ZP2: variants seen among roughly 807,000 people sequenced by gnomAD.
ZP2 encodes the protein zona pellucida sperm-binding protein 2.
ZP2 carries 51 observed loss-of-function variants against 84.0 expected under a neutral mutation model. The ratio of observed to expected loss-of-function variants is 0.61; its 90% CI spans 0.49 to 0.77. The LOEUF (loss-of-function observed/expected upper bound fraction) is 0.77. Among genes scored for constraint, ZP2 ranks in the 30% least tolerant of loss-of-function variants. The probability of loss-of-function intolerance (pLI) is 0.00; values close to 1 mark genes in which losing one functional copy is unlikely to be tolerated. For missense variants in ZP2, 909 were observed against 911.9 expected, an observed-to-expected ratio of 1.00 and a Z score of 0.04; for synonymous variants, 375 against 330.9, an observed-to-expected ratio of 1.13 and a Z score of -1.45.
intron 5 of ZP2, among the ~76,000 whole-genome samples, chr16:21,206,282 C>A (rs1292475754): frequency 6.6e-6 from 1 of 152,196 alleles, no homozygotes; most frequent in Non-Finnish European, 1.5e-5. Flanking sequence ...CAGGCATGAG[C>A]CACCATGCCT....
intron 5 of ZP2, among the ~76,000 whole-genome samples, chr16:21,206,581 T>C (rs1428712901): frequency 6.6e-6 from 1 of 152,112 alleles, no homozygotes; most frequent in African/African-American, 2.4e-5. Flanking sequence ...TAAAACCCTA[T>C]TGCCATGCAT....
In ZP2 at chr16:21,202,132, G is replaced by T. The variant is rs761967191; in HGVS notation, c.1259C>A (p.Pro420His). Residue 420 changes from proline (P) to histidine (H), a missense_variant, in exon 11 of 19, where the codon CCC becomes CAC. Transcript: ENST00000574091. ...ATATCTCGTTCCACATCCATTCAGG[G>T]GTATGTGGAACCGTACCAGCCCCTG... ...QSQGLVRFHI[P>H]LNGCGTRYKF... The T allele has an allele frequency of 1.2e-6, 2 of 1,613,122 alleles. No homozygotes were observed. The highest frequency in any genetic ancestry group is 1.1e-5 in the South Asian group (1 of 90,812).
At chr16:21,203,979 A>T in intron 9 of ZP2, 51 bp downstream of exon 9, 3 of 1,598,526 alleles carry the variant, frequency 1.9e-6, no homozygotes, top group Non-Finnish European at 1.7e-6. Flanking sequence ...CCACAAGAGT[A>T]TACTTCAAGT....
In ZP2 at chr16:21,211,574, G is replaced by A. The variant is rs200069620; in HGVS notation, c.-27C>T. The A allele has an allele frequency of 2.1e-5, 34 of 1,613,922 alleles. No individual in the cohort carries two copies. The highest frequency in any genetic ancestry group is 3.3e-4 in the Middle Eastern group (2 of 6,058). On this transcript the variant is annotated 5_prime_UTR_variant, in exon 1 of 19. Transcript: ENST00000574091. ...GCAGAAGACACTACCAGATCAACCAGGTAGAGGGTAGGCTGCTCTGTGTTT... is the reference window on the plus strand; with the variant it reads ...GCAGAAGACACTACCAGATCAACCAAGTAGAGGGTAGGCTGCTCTGTGTTT...
upstream of ZP2, among the ~76,000 whole-genome samples, chr16:21,212,342 C>T (rs2093278663): frequency 6.6e-6 from 1 of 152,154 alleles, no homozygotes; most frequent in Admixed American, 6.5e-5. Context: ...AGTGTAAAAG[C>T]TTAAGCTTAC....
chr16:21,211,648 C>T (rs747520089), upstream of ZP2: 1 of 1,601,494 alleles, frequency 6.2e-7, no homozygotes, highest in East Asian at 2.2e-5. Context: ...ATTGGGGGCA[C>T]CTGAATCTTG....
chr16:21,202,589 C>G (rs1489684561), intron 10 of ZP2, among the ~76,000 whole-genome samples: 2 of 152,144 alleles, frequency 1.3e-5, no homozygotes, highest in East Asian at 3.9e-4. Context: ...GGAGTTGACT[C>G]AAGGTTAAAC....
intron 4 of ZP2, among the ~76,000 whole-genome samples, chr16:21,209,213 C>A (rs1039055946): frequency 6.6e-6 from 1 of 152,138 alleles, no homozygotes; most frequent in African/African-American, 2.4e-5. Flanking sequence ...GTTGCCCAGG[C>A]TGGAGGGCAA....
intron 4 of ZP2, among the ~76,000 whole-genome samples, chr16:21,208,482 C>T (rs1024668712): frequency 4.6e-5 from 7 of 152,148 alleles, no homozygotes; most frequent in Non-Finnish European, 1.0e-4. Context: ...CCACCTGCAT[C>T]GTAATCAGAT....
intron 14 of ZP2, among the ~76,000 whole-genome samples, 168 bp from the exon 15 acceptor site, chr16:21,200,046 T>C (rs1205764029): frequency 6.6e-6 from 1 of 152,256 alleles, no homozygotes; most frequent in Non-Finnish European, 1.5e-5. Context: ...ATAATACCTA[T>C]GAAATCATAA....
intron 14 of ZP2, 51 bp from the exon 15 acceptor site, chr16:21,199,929 A>G (rs961645340): frequency 6.2e-7 from 1 of 1,605,650 alleles, no homozygotes; most frequent in Admixed American, 1.7e-5. Context: ...TCTTGGAGTC[A>G]AATTCAATGT....
chr16:21,200,897 G>A (rs980979477), intron 14 of ZP2, among the ~76,000 whole-genome samples: 1 of 152,148 alleles, frequency 6.6e-6, no homozygotes, highest in African/African-American at 2.4e-5. Flanking sequence ...GATTCAAGAG[G>A]TGATTGGAAG....
chr16:21,214,384 A>G (rs1255640745), upstream of ZP2: 1 of 605,138 alleles, frequency 1.7e-6, no homozygotes, highest in Non-Finnish European at 2.1e-6. Context: ...TCCGTAAAAC[A>G]GTGTCTCCTA....
At position 21,202,149 on chromosome 16, in the gene ZP2, C is replaced by A; in HGVS notation, c.1242G>T (p.Leu414=). The A allele has an allele frequency of 6.2e-7, 1 of 1,610,730 alleles. No individual in the cohort carries two copies. The highest frequency in any genetic ancestry group is 8.5e-7 in the Non-Finnish European group (1 of 1,179,050). Residue 414 remains leucine, a synonymous_variant, in exon 11 of 19, where the codon CTG becomes CTT. Coordinates refer to ENST00000574091, the MANE Select transcript of ZP2 (RefSeq NM_001376232.1). The stretch of plus-strand genomic sequence containing the variant: ...CATTCAGGGGTATGTGGAACCGTAC[C>A]AGCCCCTGAGACTGAGCCTCAAAGA... ...QPVFEAQSQG[L]VRFHIPLNGC... is the part of the protein sequence containing the mutation.
upstream of ZP2, among the ~76,000 whole-genome samples, chr16:21,212,102 A>G (rs2093277888): frequency 6.6e-6 from 1 of 151,998 alleles, no homozygotes; most frequent in Non-Finnish European, 1.5e-5. Context: ...TAATTTTTGT[A>G]TTTTGAGTAA....
Position 21,205,417 on chromosome 16 carries a change from T to C in ZP2, c.693+3A>G. On this transcript the variant is annotated splice_donor_region_variant and intron_variant, in intron 7 of 18. Transcript: ENST00000574091. ...TGGTACAAAGCCAGACTTCCACACC[T>C]ACCACATAGTGAGTCACTCCAGTGG... 6.2e-7 allele frequency: 1 copy of C among 1,613,700 alleles called. No homozygotes were observed. The highest frequency in any genetic ancestry group is 1.1e-5 in the South Asian group (1 of 91,062).
intron 2 of ZP2, among the ~76,000 whole-genome samples, chr16:21,210,731 C>T (rs1297239104): frequency 6.6e-6 from 1 of 152,114 alleles, no homozygotes; most frequent in Non-Finnish European, 1.5e-5. Context: ...CCCACCACCA[C>T]ACCCAGCTAG....
chr16:21,207,607 G>A (rs540055794), intron 4 of ZP2, among the ~76,000 whole-genome samples: 1 of 151,732 alleles, frequency 6.6e-6, no homozygotes, highest in African/African-American at 2.4e-5. Context: ...GCAACATGGT[G>A]AGAGACTCCA....
intron 14 of ZP2, among the ~76,000 whole-genome samples, chr16:21,201,114 G>A (rs1016694826): frequency 1.3e-5 from 2 of 151,912 alleles, no homozygotes; most frequent in Admixed American, 6.6e-5. Flanking sequence ...TAGGAGAATT[G>A]CTTGAACCCA....
Sources: gnomAD v4.1 joint callset for allele counts (sites outside exome capture counted in the v4.1 genomes callset) on GRCh38, gnomAD v4.1.1 for gene constraint, MANE v1.5 for transcripts, NCBI Gene and HGNC (gene_info 2026-07-23, HGNC 2026-07-21) for gene names.